The following RBFOX1 variants were observed in gnomAD, a reference collection of about 807,000 sequenced individuals.
The protein encoded by RBFOX1 is RNA binding protein fox-1 homolog 1.
Under a neutral mutation model 57.7 loss-of-function variants are expected in RBFOX1, and 8 were observed. That is an observed-to-expected ratio of 0.14 (90% confidence interval 0.08 to 0.25). The LOEUF is 0.25. Among genes scored for constraint, RBFOX1 ranks in the 10% least tolerant of loss-of-function variants. The probability of loss-of-function intolerance (pLI) is 1.00; values close to 1 mark genes in which losing one functional copy is unlikely to be tolerated. For synonymous variants in RBFOX1, 326 were observed against 222.4 expected, an observed-to-expected ratio of 1.47 and a Z score of -4.15; for missense variants, 611 against 548.5, an observed-to-expected ratio of 1.11 and a Z score of -1.14.
intron 3 of RBFOX1, among the ~76,000 whole-genome samples, chr16:5,639,348 A>G (rs774408025): frequency 6.6e-6 from 1 of 152,172 alleles, no homozygotes; most frequent in Non-Finnish European, 1.5e-5. Flanking sequence ...GCAACATCTC[A>G]TCCACAGTTG....
intron 4 of RBFOX1, among the ~76,000 whole-genome samples, chr16:7,239,374 C>T (rs1046331355): frequency 6.6e-6 from 1 of 152,158 alleles, no homozygotes; most frequent in South Asian, 2.1e-4. Flanking sequence ...TGGTGCATGC[C>T]TGTAATCCCA....
intron 4 of RBFOX1, among the ~76,000 whole-genome samples, chr16:7,308,114 C>CCA (rs1050524456): frequency 6.6e-6 from 1 of 152,064 alleles, no homozygotes; most frequent in Non-Finnish European, 1.5e-5. Context: ...TAGAAAACAG[C>CCA]CACACACACA....
At chr16:7,563,209 T>C (rs2090843239) in intron 5 of RBFOX1, among the ~76,000 whole-genome samples, 2 of 152,196 alleles carry the variant, frequency 1.3e-5, no homozygotes, top group Non-Finnish European at 2.9e-5. Flanking sequence ...AATGAAGTAT[T>C]AATCAGCCAC....
chr16:7,293,870 T>A (rs1341053976), intron 4 of RBFOX1, among the ~76,000 whole-genome samples: 1 of 152,152 alleles, frequency 6.6e-6, no homozygotes, highest in Non-Finnish European at 1.5e-5. Flanking sequence ...TCCTGGGGTG[T>A]CTTTGACCTG....
At chr16:5,246,198 C>G (rs976536081) in intron 1 of RBFOX1, among the ~76,000 whole-genome samples, 4 of 152,162 alleles carry the variant, frequency 2.6e-5, no homozygotes, top group African/African-American at 9.7e-5. Context: ...GCCGAGATCG[C>G]GCCACTGCAC....
chr16:5,556,228 G>A lies in RBFOX1; in HGVS notation c.259-42674G>A, dbSNP rs556717752. ...AGAGGAGCCTTGGTCATATTAATGA[G>A]GCTTTGCTTTGCTTTAAGGCTAATT... On this transcript the variant is annotated intron_variant, in intron 2 of 2. Coordinates refer to the RBFOX1 transcript ENST00000585867. 1.2e-4 allele frequency among the ~76,000 whole-genome samples: 18 copies of A among 152,280 alleles called. 1 individual carries two copies. The South Asian group carries it at 1.9e-3, about 16-fold the overall frequency.
At position 5,809,134 on chromosome 16, in the gene RBFOX1, A is replaced by G. The variant is rs149840162; in HGVS notation, c.319-58169A>G. ...TGGCTAGCCACATGGAGAAAGCTGA[A>G]ACTGGATCCCTTCCTTACACCTTAT... On this transcript the variant is annotated intron_variant, in intron 3 of 19. Transcript: ENST00000641259. Among the ~76,000 whole-genome samples the G allele has an allele frequency of 3.3e-3, 502 of 152,332 alleles. 8 individuals are homozygous for G. Among genetic ancestry groups the G allele is most frequent in the African/African-American group, 0.011 (469 of 41,570 alleles).
chr16:7,657,792 G>T (rs951707606), intron 12 of RBFOX1, among the ~76,000 whole-genome samples: 1 of 152,058 alleles, frequency 6.6e-6, no homozygotes, highest in Non-Finnish European at 1.5e-5. Context: ...TGTGGACCAT[G>T]GTGGGATCAT....
At chr16:6,695,308 C>T (rs193289451) in intron 3 of RBFOX1, among the ~76,000 whole-genome samples, 21 of 148,360 alleles carry the variant, frequency 1.4e-4, no homozygotes, top group African/African-American at 4.0e-4. Context: ...AATAGGTACT[C>T]AGGAGGCTGA....
intron 2 of RBFOX1, among the ~76,000 whole-genome samples, chr16:5,596,374 C>A (rs951493063): frequency 5.3e-5 from 8 of 152,304 alleles, no homozygotes; most frequent in African/African-American, 1.9e-4. Flanking sequence ...GTGGTTGCTA[C>A]GAAGCCAATA....
At chr16:7,366,203 C>T (rs1258889771) in intron 4 of RBFOX1, among the ~76,000 whole-genome samples, 3 of 152,230 alleles carry the variant, frequency 2.0e-5, no homozygotes, top group African/African-American at 7.2e-5. Flanking sequence ...GCTGCCACCC[C>T]ATTGGTGTCT....
intron 1 of RBFOX1, among the ~76,000 whole-genome samples, chr16:6,043,066 C>T (rs889421412): frequency 7.7e-6 from 1 of 129,904 alleles, no homozygotes; most frequent in Non-Finnish European, 1.6e-5. Flanking sequence ...TGTGTTGAGC[C>T]GAGATCACAT....
At chr16:7,159,692 C>A (rs1443328301) in intron 4 of RBFOX1, among the ~76,000 whole-genome samples, 1 of 152,100 alleles carries the variant, frequency 6.6e-6, no homozygotes. Context: ...TTTGGATCTG[C>A]CAAGTACAAA....
intron 3 of RBFOX1, among the ~76,000 whole-genome samples, chr16:5,695,073 A>C (rs959087785): frequency 3.3e-5 from 5 of 152,054 alleles, no homozygotes; most frequent in Non-Finnish European, 7.4e-5. Context: ...GTTTTTATTG[A>C]TAAATTGGCA....
intron 4 of RBFOX1, among the ~76,000 whole-genome samples, chr16:5,998,781 G>T (rs537975467): frequency 2.0e-5 from 3 of 152,186 alleles, no homozygotes; most frequent in Admixed American, 6.5e-5. Context: ...CTTCTGGTCT[G>T]TCGGCATCTT....
chr16:7,119,209 C>T (rs966698842), intron 4 of RBFOX1, among the ~76,000 whole-genome samples: 1 of 152,170 alleles, frequency 6.6e-6, no homozygotes, highest in Non-Finnish European at 1.5e-5. Flanking sequence ...AAGCAATGCT[C>T]TATTACTGTA....
chr16:5,666,509 C>G (rs910708984), intron 3 of RBFOX1, among the ~76,000 whole-genome samples: 30 of 152,086 alleles, frequency 2.0e-4, no homozygotes, highest in Admixed American at 5.9e-4. Context: ...CAAGACAGAC[C>G]AAATAGGTTC....
At chr16:5,384,850 G>A (rs571813823) in intron 1 of RBFOX1, among the ~76,000 whole-genome samples, 18 of 152,216 alleles carry the variant, frequency 1.2e-4, no homozygotes, top group African/African-American at 3.9e-4. Flanking sequence ...CATATTCATC[G>A]TAGTGATTCC....
intron 4 of RBFOX1, among the ~76,000 whole-genome samples, chr16:7,171,696 G>A (rs73552433): frequency 0.011 from 1,663 of 152,282 alleles, 23 homozygotes; most frequent in African/African-American, 0.038. Context: ...TATAGGGTAA[G>A]CAATGAGCTT....
Sources: gnomAD v4.1 joint callset for allele counts (sites outside exome capture counted in the v4.1 genomes callset) on GRCh38, gnomAD v4.1.1 for gene constraint, MANE v1.5 for transcripts, NCBI Gene and HGNC (gene_info 2026-07-23, HGNC 2026-07-21) for gene names.